Variants in BNC2 observed in about 807,000 individuals in gnomAD.
BNC2 encodes zinc finger protein basonuclin-2.
BNC2 carries 20 observed loss-of-function variants against 76.3 expected under a neutral mutation model. The observed-to-expected ratio is 0.26, with a 90% CI of 0.18 to 0.38. The LOEUF (loss-of-function observed/expected upper bound fraction) is 0.38. Among genes scored for constraint, BNC2 ranks in the 10% least tolerant of loss-of-function variants. The probability of loss-of-function intolerance (pLI) is 1.00; values close to 1 mark genes in which losing one functional copy is unlikely to be tolerated. For synonymous variants in BNC2, 582 were observed against 514.8 expected (o/e 1.13, Z -1.77); for missense variants, 1,382 against 1,399.8 (o/e 0.99, Z 0.20).
rs533273807 is a variant in BNC2, at chr9:16,415,340, T to C, written c.*3649A>G. On this transcript the variant is annotated 3_prime_UTR_variant, in exon 7 of 7. Transcript: ENST00000380672. ...AAACCTGATATTTACAAAAACATAG[T>C]TTTAAATGATCAAGACAGTACAAGT... 8.6e-4 allele frequency: 129 copies of C among 149,868 alleles called. 1 individual carries two copies. The highest frequency in any genetic ancestry group is 3.1e-3 in the African/African-American group (121 of 39,172). 9.3% of individuals were successfully genotyped at this position (149,868 alleles called of 1,614,324 possible).
chr9:16,850,808 A>AT (rs200130096), intron 1 of BNC2, among the ~76,000 whole-genome samples: 2,082 of 73,998 alleles, frequency 0.028, 45 homozygotes, highest in African/African-American at 0.096. Flanking sequence ...TAAAAAGTAA[A>AT]TAAAAAAAAA....
intron 3 of BNC2, among the ~76,000 whole-genome samples, chr9:16,628,397 C>T (rs1406557121): frequency 1.3e-5 from 2 of 152,152 alleles, no homozygotes; most frequent in Non-Finnish European, 2.9e-5. Context: ...CTTAAGTTTT[C>T]AGAAAATGTT....
chr9:16,676,906 T>A (rs1212709286), intron 3 of BNC2, among the ~76,000 whole-genome samples: 1 of 152,212 alleles, frequency 6.6e-6, no homozygotes, highest in Non-Finnish European at 1.5e-5. Context: ...TTCTTATTTG[T>A]TTTGAGAAAC....
intron 1 of BNC2, among the ~76,000 whole-genome samples, chr9:16,792,274 A>G (rs1817532540): frequency 6.6e-6 from 1 of 152,152 alleles, no homozygotes; most frequent in Admixed American, 6.6e-5. Context: ...TAAAGAAGTC[A>G]AATAACTTGT....
At chr9:16,817,466 T>C (rs555040293) in intron 1 of BNC2, among the ~76,000 whole-genome samples, 1 of 152,296 alleles carries the variant, frequency 6.6e-6, no homozygotes, top group African/African-American at 2.4e-5. Flanking sequence ...GTCAGAAAGA[T>C]CCCAATTCAA....
intron 1 of BNC2, among the ~76,000 whole-genome samples, chr9:16,811,264 TA>T (rs1224156276): frequency 1.5e-4 from 17 of 111,060 alleles, no homozygotes; most frequent in African/African-American, 5.5e-4. Flanking sequence ...CCACAGTGTA[TA>T]GGGGGCCAGG....
intron 4 of BNC2, chr9:16,579,984 G>C (rs1462628145): frequency 2.5e-6 from 1 of 397,302 alleles, no homozygotes; most frequent in African/African-American, 2.1e-5. Flanking sequence ...TATCTTGGTA[G>C]TTTTGTTGCT....
chr9:16,491,931 C>T (rs940618259), intron 5 of BNC2, among the ~76,000 whole-genome samples: 5 of 152,214 alleles, frequency 3.3e-5, no homozygotes, highest in Non-Finnish European at 5.9e-5. Context: ...CTCTGGTATG[C>T]TCACATACTT....
intron 1 of BNC2, among the ~76,000 whole-genome samples, chr9:16,762,162 TA>T (rs1475819852): frequency 6.6e-6 from 1 of 152,170 alleles, no homozygotes; most frequent in Non-Finnish European, 1.5e-5. Context: ...GTTGATCCTC[TA>T]TTTTTTCATG....
intron 1 of BNC2, among the ~76,000 whole-genome samples, chr9:16,823,602 CAAA>C (rs757781498): frequency 8.9e-6 from 1 of 112,782 alleles, no homozygotes; most frequent in Non-Finnish European, 1.9e-5. Flanking sequence ...GATCCTGTTT[CAAA>C]AAAAAAAAAA....
intron 3 of BNC2, among the ~76,000 whole-genome samples, chr9:16,702,207 T>C (rs760291359): frequency 2.0e-5 from 3 of 152,184 alleles, no homozygotes; most frequent in Non-Finnish European, 4.4e-5. Context: ...GAAGCTTTAG[T>C]GTGGTCTTAG....
intron 1 of BNC2, among the ~76,000 whole-genome samples, chr9:16,761,290 G>T (rs1367371275): frequency 6.6e-6 from 1 of 152,086 alleles, no homozygotes; most frequent in Non-Finnish European, 1.5e-5. Context: ...CATGTGGTAT[G>T]AAAAGATGAA....
intron 5 of BNC2, among the ~76,000 whole-genome samples, chr9:16,536,369 T>C (rs1243090949): frequency 6.6e-6 from 1 of 152,200 alleles, no homozygotes; most frequent in African/African-American, 2.4e-5. Context: ...ATGTGGTCTT[T>C]CTTGTTGTGA....
At chr9:16,760,208 C>T (rs1021826545) in intron 1 of BNC2, among the ~76,000 whole-genome samples, 3 of 152,078 alleles carry the variant, frequency 2.0e-5, no homozygotes, top group African/African-American at 7.2e-5. Flanking sequence ...AAGACAAATT[C>T]AATGTAACCT....
chr9:16,718,626 A>G (rs1276967916), intron 3 of BNC2, among the ~76,000 whole-genome samples: 1 of 152,174 alleles, frequency 6.6e-6, no homozygotes, highest in African/African-American at 2.4e-5. Context: ...TTCACAAAAT[A>G]AGAAACCATC....
chr9:16,592,145 G>C (rs1204112020), intron 3 of BNC2, among the ~76,000 whole-genome samples: 1 of 151,766 alleles, frequency 6.6e-6, no homozygotes, highest in Non-Finnish European at 1.5e-5. Flanking sequence ...TGAGAAAAAT[G>C]TTATGAACCA....
Position 16,412,668 on chromosome 9 carries a change from G to A in BNC2, c.*6321C>T, listed in dbSNP as rs1820487058. 1 of 151,606 alleles carries A rather than the reference G, an allele frequency of 6.6e-6. No homozygotes were observed. Among genetic ancestry groups the A allele is most frequent in the Non-Finnish European group, 1.5e-5 (1 of 67,746 alleles). The allele number at this position is 151,606 out of a possible 1,614,324, so 9.4% of individuals were successfully genotyped here. ...CTTCCCACAGATACAGTAGGTGTGTGTATGTGCTTGTATGTTAGGAGGGGA... is the reference window on the plus strand; with the variant it reads ...CTTCCCACAGATACAGTAGGTGTGTATATGTGCTTGTATGTTAGGAGGGGA... On this transcript the variant is annotated 3_prime_UTR_variant, in exon 7 of 7. Coordinates refer to ENST00000380672, the MANE Select transcript of BNC2 (RefSeq NM_017637.6).
chr9:16,692,407 G>C (rs1174261494), intron 3 of BNC2, among the ~76,000 whole-genome samples: 3 of 152,138 alleles, frequency 2.0e-5, no homozygotes, highest in Non-Finnish European at 4.4e-5. Flanking sequence ...TTGTAAAGTT[G>C]CTCAGTTACG....
At chr9:16,507,071 C>T (rs1239566548) in intron 5 of BNC2, among the ~76,000 whole-genome samples, 2 of 151,922 alleles carry the variant, frequency 1.3e-5, no homozygotes, top group East Asian at 3.9e-4. Flanking sequence ...CTCTATAAGG[C>T]CCGCCTGACC....
Sources: gnomAD v4.1 joint callset for allele counts (sites outside exome capture counted in the v4.1 genomes callset) on GRCh38, gnomAD v4.1.1 for gene constraint, MANE v1.5 for transcripts, NCBI Gene and HGNC (gene_info 2026-07-23, HGNC 2026-07-21) for gene names.